Variants in CLRN3 observed in about 807,000 individuals in gnomAD.
CLRN3 encodes clarin 3.
Under a neutral mutation model 16.7 loss-of-function variants are expected in CLRN3, and 12 were observed. The ratio of observed to expected loss-of-function variants is 0.72; its 90% CI spans 0.46 to 1.16. The LOEUF (loss-of-function observed/expected upper bound fraction) is 1.16. CLRN3 is among the 50% of genes most tolerant of loss of function. CLRN3 has a pLI of 0.00. For missense variants in CLRN3, 296 were observed against 274.2 expected (o/e 1.08, Z -0.56); for synonymous variants, 118 against 113.0 (o/e 1.04, Z -0.28).
At chr10:127,883,606 T>C (rs1845155710) in intron 2 of CLRN3, 90 bp downstream of exon 2, 4 of 924,848 alleles carry the variant, frequency 4.3e-6, no homozygotes, top group Non-Finnish European at 3.6e-6. Context: ...AACGTGACTG[T>C]GTATGTTCAT....
intron 2 of CLRN3, among the ~76,000 whole-genome samples, chr10:127,882,422 G>A (rs11018387): frequency 0.14 from 21,236 of 152,216 alleles, 1,473 homozygotes; most frequent in Middle Eastern, 0.28. Context: ...TACCTGTGCT[G>A]TGCTGGGGCC....
At chr10:127,879,220 C>T (rs1237835594) in intron 2 of CLRN3, among the ~76,000 whole-genome samples, 1 of 152,120 alleles carries the variant, frequency 6.6e-6, no homozygotes, top group Non-Finnish European at 1.5e-5. Flanking sequence ...TTGATCCTAC[C>T]ACCTCAGCCT....
chr10:127,884,844 G>T (rs1845175233), intron 1 of CLRN3, among the ~76,000 whole-genome samples: 1 of 152,228 alleles, frequency 6.6e-6, no homozygotes, highest in Non-Finnish European at 1.5e-5. Context: ...GGCTGACAGG[G>T]TGTGTGAGGC....
chr10:127,885,365 C>A (rs1182742554), intron 1 of CLRN3, among the ~76,000 whole-genome samples: 1 of 152,176 alleles, frequency 6.6e-6, no homozygotes, highest in Non-Finnish European at 1.5e-5. Context: ...ACGACTTAAA[C>A]CCAGGGGTCC....
chr10:127,883,196 T>G (rs570178625), intron 2 of CLRN3, among the ~76,000 whole-genome samples: 3 of 152,278 alleles, frequency 2.0e-5, no homozygotes, highest in African/African-American at 4.8e-5. Context: ...CATGCAGAGA[T>G]GTCATGTGTG....
Position 127,889,532 on chromosome 10 carries a change from G to A in CLRN3, c.229+3024C>T, listed in dbSNP as rs149770613. ...CCAGCTACTAGGGAGGCTGAGGCAC[G>A]AGAATTGCTTGAACTCAGGAGGTGG... On this transcript the variant is annotated intron_variant, in intron 1 of 2. Coordinates refer to ENST00000368671, the MANE Select transcript of CLRN3 (RefSeq NM_152311.5). Among the ~76,000 whole-genome samples, 910 of 152,054 alleles carry A rather than the reference G, an allele frequency of 6.0e-3. 10 individuals are homozygous for A. The highest frequency in any genetic ancestry group is 0.021 in the African/African-American group (863 of 41,446).
At chr10:127,888,183 C>G (rs1845218980) in intron 1 of CLRN3, among the ~76,000 whole-genome samples, 1 of 152,240 alleles carries the variant, frequency 6.6e-6, no homozygotes, top group South Asian at 2.1e-4. Context: ...CACCAGGGAG[C>G]CTGAACAGGG....
chr10:127,885,670 G>A (rs768585081), intron 1 of CLRN3, among the ~76,000 whole-genome samples: 1 of 152,104 alleles, frequency 6.6e-6, no homozygotes, highest in Admixed American at 6.5e-5. Flanking sequence ...TTGATCTCCC[G>A]AGTTCAAGCA....
At chr10:127,888,975 G>A (rs1845228137) in intron 1 of CLRN3, among the ~76,000 whole-genome samples, 1 of 152,184 alleles carries the variant, frequency 6.6e-6, no homozygotes, top group African/African-American at 2.4e-5. Flanking sequence ...GGTCCAGGGT[G>A]GGGATGCCTC....
intron 2 of CLRN3, among the ~76,000 whole-genome samples, chr10:127,881,886 G>A (rs925972274): frequency 2.6e-5 from 4 of 152,212 alleles, no homozygotes; most frequent in Non-Finnish European, 5.9e-5. Flanking sequence ...GCAATGGCAG[G>A]AAACAGTCCT....
chr10:127,892,103 A>G (rs1845263746), intron 1 of CLRN3, among the ~76,000 whole-genome samples: 1 of 152,248 alleles, frequency 6.6e-6, no homozygotes, highest in African/African-American at 2.4e-5. Flanking sequence ...AATTAAAATC[A>G]GTTAAAGAAA....
chr10:127,892,479 T>C, intron 1 of CLRN3, 77 bp downstream of exon 1: 1 of 845,302 alleles, frequency 1.2e-6, no homozygotes, highest in Non-Finnish European at 2.0e-6. Context: ...TTTTGAATGG[T>C]TATTTGGCCC....
Position 127,892,735 on chromosome 10 carries a change from C to T in CLRN3, c.50G>A (p.Ser17Asn), listed in dbSNP as rs763446777. The T allele has an allele frequency of 6.2e-6, 10 of 1,613,820 alleles. No homozygotes were observed. The highest frequency in any genetic ancestry group is 6.8e-6 in the Non-Finnish European group (8 of 1,179,848). ...GCAAATTACAATGAAGGACCCAAGG[C>T]TGGTGAAAAAGCTTGATAAGAACAT... ...TLMFLSSFFT[S>N]LGSFIVICSI... The change falls in exon 1 of 3, where the codon AGC becomes AAC. Residue 17 changes from serine (S) to asparagine (N), a missense_variant. Ser to Asn is a conservative substitution (Grantham distance 46). Transcript: ENST00000368671.
At chr10:127,882,159 G>T (rs771420420) in intron 2 of CLRN3, among the ~76,000 whole-genome samples, 2 of 152,124 alleles carry the variant, frequency 1.3e-5, no homozygotes, top group Non-Finnish European at 2.9e-5. Flanking sequence ...CATAAGAAAG[G>T]GAAACAGTGA....
At chr10:127,880,267 G>T (rs1171322546) in intron 2 of CLRN3, among the ~76,000 whole-genome samples, 3 of 152,070 alleles carry the variant, frequency 2.0e-5, no homozygotes, top group African/African-American at 7.2e-5. Context: ...TCCAGAGCGG[G>T]CTGCCTAGAA....
chr10:127,881,503 C>G (rs950922396), intron 2 of CLRN3, among the ~76,000 whole-genome samples: 2 of 152,218 alleles, frequency 1.3e-5, no homozygotes, highest in Admixed American at 6.5e-5. Flanking sequence ...ACCTGGCCCT[C>G]TACTCTGGTC....
chr10:127,887,215 G>A (rs540682331), intron 1 of CLRN3, among the ~76,000 whole-genome samples: 2 of 152,332 alleles, frequency 1.3e-5, no homozygotes, highest in South Asian at 4.1e-4. Context: ...ATCAGAGGCT[G>A]CAGATGAGTT....
chr10:127,887,919 G>A (rs1298646128), intron 1 of CLRN3, among the ~76,000 whole-genome samples: 1 of 152,224 alleles, frequency 6.6e-6, no homozygotes, highest in Non-Finnish European at 1.5e-5. Context: ...CGTGGCCAAA[G>A]AGAAGAGCGT....
chr10:127,892,506 A>T (rs1291097147), intron 1 of CLRN3, 50 bp downstream of exon 1: 1 of 1,011,882 alleles, frequency 9.9e-7, no homozygotes, highest in East Asian at 2.4e-5. Context: ...AGAATGACAT[A>T]AACCTTAATT....
Sources: allele counts gnomAD v4.1 joint callset (sites outside exome capture counted in the v4.1 genomes callset), GRCh38; gene constraint gnomAD v4.1.1; transcripts MANE v1.5; gene names NCBI Gene and HGNC (gene_info 2026-07-23, HGNC 2026-07-21).